The following CHD2 variants were observed in gnomAD, a reference collection of about 807,000 sequenced individuals.
CHD2 encodes chromodomain helicase DNA binding protein 2.
Under a neutral mutation model 243.9 loss-of-function variants are expected in CHD2, and 28 were observed. That is an observed-to-expected ratio of 0.11 (90% confidence interval 0.09 to 0.16). The LOEUF (loss-of-function observed/expected upper bound fraction) is 0.16, where lower values mean the gene tolerates loss of function less well. Among genes scored for constraint, CHD2 ranks in the 10% least tolerant of loss-of-function variants. The pLI is 1.00. For missense variants in CHD2, 1,386 were observed against 2,209.8 expected (o/e 0.63, Z 7.47); for synonymous variants, 775 against 779.0 (o/e 0.99, Z 0.09).
At chr15:92,967,566 C>A in intron 17 of CHD2, 53 bp downstream of exon 17, 7 of 1,287,756 alleles carry the variant, frequency 5.4e-6, no homozygotes, top group Non-Finnish European at 6.5e-6. Flanking sequence ...TACCATGAAA[C>A]TATTAGATAG....
chr15:92,938,598 C>G (rs947321691), intron 6 of CHD2, among the ~76,000 whole-genome samples: 1 of 152,126 alleles, frequency 6.6e-6, no homozygotes, highest in Non-Finnish European at 1.5e-5. Flanking sequence ...ATAAGTTTAT[C>G]TCAGAACTGT....
At chr15:92,959,823 G>T (rs1252532519) in intron 16 of CHD2, among the ~76,000 whole-genome samples, 1 of 152,168 alleles carries the variant, frequency 6.6e-6, no homozygotes, top group African/African-American at 2.4e-5. Flanking sequence ...AGAAGTACAA[G>T]TTCCATTTTC....
intron 25 of CHD2, among the ~76,000 whole-genome samples, chr15:92,984,868 TATAA>T: frequency 6.6e-6 from 1 of 152,390 alleles, no homozygotes; most frequent in South Asian, 2.1e-4. Flanking sequence ...CAGCACTTGA[TATAA>T]ATACTTAGTA....
chr15:93,021,262 A>G (rs2054531871), intron 38 of CHD2: 1 of 151,960 alleles, frequency 6.6e-6, no homozygotes, highest in African/African-American at 2.4e-5. Flanking sequence ...TTTGTGATGA[A>G]AAATCTGTCA....
Position 92,959,082 on chromosome 15 carries a change from T to G in CHD2, c.2000+2433T>G, listed in dbSNP as rs183168420. 2.6e-5 allele frequency among the ~76,000 whole-genome samples: 4 copies of G among 152,356 alleles called. No homozygotes were observed. In the East Asian group the frequency reaches 7.7e-4, roughly 29 times the overall value. On this transcript the variant is annotated intron_variant, in intron 16 of 38. Transcript: ENST00000394196. ...ATGTTGTCTTTCAAAGAGAAAAAGT[T>G]ATTGATTTTGATGAAGTTTAATTTA...
chr15:92,934,184 T>C (rs528636546), intron 5 of CHD2, among the ~76,000 whole-genome samples: 8 of 152,358 alleles, frequency 5.3e-5, no homozygotes, highest in African/African-American at 1.7e-4. Context: ...TAAAAGTAGC[T>C]TTTGTTCATT....
chr15:92,952,332 G>A (rs1258250433), intron 13 of CHD2, among the ~76,000 whole-genome samples: 1 of 152,276 alleles, frequency 6.6e-6, no homozygotes, highest in East Asian at 1.9e-4. Flanking sequence ...TGGGGAGGAG[G>A]GAGGGGGATG....
At chr15:92,964,921 C>T (rs1389280505) in intron 16 of CHD2, among the ~76,000 whole-genome samples, 1 of 152,108 alleles carries the variant, frequency 6.6e-6, no homozygotes, top group Non-Finnish European at 1.5e-5. Flanking sequence ...TCGTCTAGGC[C>T]AATCTCTTAA....
At chr15:92,913,436 G>T (rs1411293576) in intron 2 of CHD2, among the ~76,000 whole-genome samples, 2 of 152,128 alleles carry the variant, frequency 1.3e-5, no homozygotes, top group Non-Finnish European at 2.9e-5. Flanking sequence ...ATTTTTGCTT[G>T]TCACTCTGGG....
At position 93,004,587 on chromosome 15, in the gene CHD2, C is replaced by A. The variant is rs1428750272; in HGVS notation, c.4279-30C>A. 9 of 1,591,090 alleles carry A rather than the reference C, an allele frequency of 5.7e-6. No homozygotes were observed. The East Asian group carries it at 2.0e-4, about 36-fold the overall frequency. On this transcript the variant is annotated intron_variant, in intron 33 of 38. Coordinates refer to ENST00000394196, the MANE Select transcript of CHD2 (RefSeq NM_001271.4). ...TCGCACGGTAGGATTGCACAAATGACAATGACTCCTTGTAACTCTTTTTTA... is the reference window on the plus strand; with the variant it reads ...TCGCACGGTAGGATTGCACAAATGAAAATGACTCCTTGTAACTCTTTTTTA...
intron 2 of CHD2, chr15:92,904,675 A>T (rs1297629299): frequency 8.3e-6 from 11 of 1,330,622 alleles, no homozygotes; most frequent in Non-Finnish European, 1.1e-5. Context: ...GAAAAAGTGC[A>T]GGCACTATTT....
chr15:92,963,129 A>C (rs1288927410), intron 16 of CHD2, among the ~76,000 whole-genome samples: 1 of 152,212 alleles, frequency 6.6e-6, no homozygotes. Context: ...ATCCAGGCAA[A>C]TAATCCTTGC....
At chr15:92,957,906 G>A (rs529692079) in intron 16 of CHD2, among the ~76,000 whole-genome samples, 1 of 152,080 alleles carries the variant, frequency 6.6e-6, no homozygotes, top group Admixed American at 6.5e-5. Flanking sequence ...TTATATAAGT[G>A]GAATCCTAAT....
In CHD2 at chr15:92,980,925, A is replaced by C; in HGVS notation, c.2973+14A>C. The C allele has an allele frequency of 6.3e-7, 1 of 1,582,392 alleles. No homozygotes were observed. The highest frequency in any genetic ancestry group is 1.1e-5 in the South Asian group (1 of 89,990). On this transcript the variant is annotated intron_variant, in intron 23 of 38. Coordinates refer to ENST00000394196, the MANE Select transcript of CHD2 (RefSeq NM_001271.4). ...TCAGAACCTCAGGTAATTAACAATG[A>C]GGAGAGGGAAATTTTTTTGAGAAGT...
chr15:92,900,697 T>C lies in CHD2; in HGVS notation c.-199T>C, dbSNP rs2052516721. 5 of 398,264 alleles carry C rather than the reference T, an allele frequency of 1.3e-5. No homozygotes were observed. The Admixed American group carries it at 1.8e-4, about 14-fold the overall frequency. The allele number at this position is 398,264 out of a possible 1,614,324, so 24.7% of individuals were successfully genotyped here. On this transcript the variant is annotated 5_prime_UTR_variant, in exon 1 of 39. Transcript: ENST00000394196. ...TTTATTTTTTTGACCAGTTAACATA[T>C]TTGAGGGTTATTTTATTTATTTTTC...
intron 17 of CHD2, among the ~76,000 whole-genome samples, chr15:92,969,415 C>T (rs1737156136): frequency 6.6e-6 from 1 of 152,220 alleles, no homozygotes; most frequent in Admixed American, 6.5e-5. Flanking sequence ...CACCCATCCC[C>T]ACCAAACCTC....
rs533328301 is a variant in CHD2, at chr15:92,911,057, A to C, written c.62+9758A>C. 3.3e-5 allele frequency among the ~76,000 whole-genome samples: 5 copies of C among 152,334 alleles called. No individual in the cohort carries two copies. The South Asian group carries it at 1.0e-3, about 32-fold the overall frequency. On this transcript the variant is annotated intron_variant, in intron 2 of 38. Coordinates refer to ENST00000394196, the MANE Select transcript of CHD2 (RefSeq NM_001271.4). ...TACAGTATTACAGTCTTATGGGATC[A>C]CTGTTGTATATGACACCAGTCATTG... is the stretch of plus-strand genomic sequence containing the variant.
At chr15:92,988,653 C>CT (rs1332730200) in intron 26 of CHD2, among the ~76,000 whole-genome samples, 1 of 152,052 alleles carries the variant, frequency 6.6e-6, no homozygotes, top group Non-Finnish European at 1.5e-5. Context: ...GTCTTAATTT[C>CT]TTTTTTTCTG....
intron 5 of CHD2, among the ~76,000 whole-genome samples, chr15:92,931,601 C>G (rs1242251587): frequency 6.6e-6 from 1 of 152,026 alleles, no homozygotes; most frequent in Non-Finnish European, 1.5e-5. Flanking sequence ...TCTCAAACTC[C>G]TGGCCTCAAG....
Sources: gnomAD v4.1 joint callset for allele counts (sites outside exome capture counted in the v4.1 genomes callset) on GRCh38, gnomAD v4.1.1 for gene constraint, MANE v1.5 for transcripts, NCBI Gene and HGNC (gene_info 2026-07-23, HGNC 2026-07-21) for gene names.